TRMT9B: variants seen among roughly 807,000 people sequenced by gnomAD.
TRMT9B encodes the protein tRNA methyltransferase 9B (putative).
TRMT9B carries 16 observed loss-of-function variants against 11.5 expected under a neutral mutation model. The observed-to-expected ratio is 1.39, with a 90% confidence interval of 0.94 to 2.11. The LOEUF is 2.11. Among genes scored for constraint, TRMT9B ranks in the 30% most tolerant of loss-of-function variants. The pLI is 0.00. For missense variants in TRMT9B, 941 were observed against 553.8 expected, an observed-to-expected ratio of 1.70 and a Z score of -7.02; for synonymous variants, 274 against 192.4, an observed-to-expected ratio of 1.42 and a Z score of -3.51.
At chr8:12,966,211 T>C (rs1802802832) in intron 1 of TRMT9B, among the ~76,000 whole-genome samples, 1 of 151,942 alleles carries the variant, frequency 6.6e-6, no homozygotes, top group South Asian at 2.1e-4. Context: ...CCCATACCTC[T>C]GGTCCCAGCT....
At chr8:12,979,139 G>A (rs1048810481) in intron 1 of TRMT9B, among the ~76,000 whole-genome samples, 2 of 152,162 alleles carry the variant, frequency 1.3e-5, no homozygotes, top group Non-Finnish European at 2.9e-5. Flanking sequence ...GCGGGGGAAT[G>A]GCAGGCCTAT....
Position 13,029,573 on chromosome 8 carries a change from G to C in TRMT9B, c.*7529G>C, listed in dbSNP as rs978567407. ...TGCTTTTCTTCACCATTCTGTACAGGACAAGCATTATTCAGTTCACATAGT... is the reference window on the plus strand; with the variant it reads ...TGCTTTTCTTCACCATTCTGTACAGCACAAGCATTATTCAGTTCACATAGT... On this transcript the variant is annotated 3_prime_UTR_variant, in exon 5 of 5. Coordinates refer to ENST00000524591, the MANE Select transcript of TRMT9B (RefSeq NM_020844.3). 1 of 166,120 alleles carries C rather than the reference G, an allele frequency of 6.0e-6. No homozygotes were observed. The highest frequency in any genetic ancestry group is 1.5e-5 in the Non-Finnish European group (1 of 68,108). 10.3% of individuals were successfully genotyped at this position (166,120 alleles called of 1,614,324 possible).
intron 4 of TRMT9B, among the ~76,000 whole-genome samples, chr8:13,014,848 G>C (rs1344796395): frequency 7.9e-5 from 12 of 152,004 alleles, no homozygotes; most frequent in Admixed American, 7.9e-4. Flanking sequence ...GGATCACAAG[G>C]TCAGGAGTTC....
chr8:13,013,240 A>G (rs1563431255), intron 4 of TRMT9B, among the ~76,000 whole-genome samples: 1 of 152,238 alleles, frequency 6.6e-6, no homozygotes, highest in East Asian at 1.9e-4. Flanking sequence ...AGGCCAAAAT[A>G]GTGGCCTTTG....
chr8:12,978,795 T>A lies in TRMT9B; in HGVS notation c.-199-12039T>A, dbSNP rs921555855. ...AGATGAGCAAGCTCCTAGAACTGCA[T>A]TCAGTCGCCCAGGTTGGCACGTGGA... is the stretch of plus-strand genomic sequence containing the variant. On this transcript the variant is annotated intron_variant, in intron 1 of 4. Coordinates refer to ENST00000524591, the MANE Select transcript of TRMT9B (RefSeq NM_020844.3). 2.6e-5 allele frequency among the ~76,000 whole-genome samples: 4 copies of A among 152,184 alleles called. No individual in the cohort carries two copies. In the East Asian group the frequency reaches 7.7e-4, roughly 29 times the overall value.
intron 2 of TRMT9B, among the ~76,000 whole-genome samples, chr8:12,994,829 G>T (rs920137691): frequency 3.3e-5 from 5 of 152,110 alleles, no homozygotes; most frequent in Admixed American, 6.5e-5. Flanking sequence ...TTATAGGCAT[G>T]CACCACCATG....
rs375459091 is a variant in TRMT9B, at chr8:13,006,254, G to T, written c.52G>T (p.Glu18Ter). 6.2e-7 allele frequency: 1 copy of T among 1,613,996 alleles called. No individual in the cohort carries two copies. Among genetic ancestry groups the T allele is most frequent in the African/African-American group, 1.3e-5 (1 of 75,060 alleles). The stretch of plus-strand genomic sequence containing the variant: ...GAAGCAGCATGTGCACAATGTGTAC[G>T]AGAGCACAGCCCCTTACTTCAGCGA... ...LEKQHVHNVY[E>*]STAPYFSDLQ... The change falls in exon 3 of 5, where the codon GAG (glutamate) becomes TAG (stop). Residue 18 changes from glutamate (E) to a stop codon, truncating the protein, a stop_gained. Coordinates refer to ENST00000524591, the MANE Select transcript of TRMT9B (RefSeq NM_020844.3). LOFTEE classifies it high-confidence loss of function.
intron 1 of TRMT9B, among the ~76,000 whole-genome samples, chr8:12,953,030 GC>G (rs2128857319): frequency 6.6e-6 from 1 of 152,280 alleles, no homozygotes; most frequent in East Asian, 1.9e-4. Context: ...GAGCCACCGG[GC>G]CCGGCTGATT....
intron 1 of TRMT9B, among the ~76,000 whole-genome samples, chr8:12,982,474 C>T (rs564707180): frequency 3.3e-5 from 5 of 152,106 alleles, no homozygotes; most frequent in Non-Finnish European, 7.3e-5. Flanking sequence ...CAAGCCTGGA[C>T]AACATAGTGA....
rs543140328 is a variant in TRMT9B, at chr8:13,021,180, G to C, written c.501G>C (p.Gln167His). The C allele has an allele frequency of 3.9e-5, 63 of 1,613,838 alleles. No individual in the cohort carries two copies. The South Asian group carries it at 5.8e-4, about 15-fold the overall frequency. ...CATGGAACAGGGCTCTGTGTTCCCA[G>C]CTCTTCTCAGAGTCCAGCCAGTCTG... Reference protein sequence around the residue: ...LVPWNRALCSQLFSESSQSGR... With the variant: ...LVPWNRALCSHLFSESSQSGR... Residue 167 changes from glutamine (Q) to histidine (H), a missense_variant, in exon 5 of 5, where the codon CAG becomes CAC. Coordinates refer to ENST00000524591, the MANE Select transcript of TRMT9B (RefSeq NM_020844.3).
intron 1 of TRMT9B, among the ~76,000 whole-genome samples, chr8:12,977,485 G>C (rs1247867309): frequency 6.6e-6 from 1 of 151,864 alleles, no homozygotes; most frequent in East Asian, 2.0e-4. Flanking sequence ...GGTGGATCAC[G>C]AGGTCGAGAA....
At chr8:12,974,527 A>G (rs552964956) in intron 1 of TRMT9B, among the ~76,000 whole-genome samples, 93 of 152,308 alleles carry the variant, frequency 6.1e-4, no homozygotes, top group South Asian at 1.2e-3. Context: ...CCCCAACAGA[A>G]TAAGTTTCCA....
intron 1 of TRMT9B, chr8:12,952,180 C>A (rs1021159526): frequency 3.1e-5 from 14 of 455,004 alleles, no homozygotes; most frequent in African/African-American, 2.2e-4. Flanking sequence ...CTGCCAGTCG[C>A]CACACCGTGC....
chr8:12,993,065 G>C (rs996467785), intron 2 of TRMT9B, among the ~76,000 whole-genome samples: 2 of 152,178 alleles, frequency 1.3e-5, no homozygotes, highest in Non-Finnish European at 2.9e-5. Context: ...ATAAGGTCCT[G>C]AGCAAGTCCC....
At chr8:12,999,580 C>T (rs578096540) in intron 2 of TRMT9B, among the ~76,000 whole-genome samples, 1 of 152,200 alleles carries the variant, frequency 6.6e-6, no homozygotes, top group Admixed American at 6.5e-5. Flanking sequence ...GCTAGAGTTC[C>T]ATCATTCATG....
At chr8:12,985,204 G>A (rs906288473) in intron 1 of TRMT9B, among the ~76,000 whole-genome samples, 11 of 152,066 alleles carry the variant, frequency 7.2e-5, no homozygotes, top group Non-Finnish European at 1.5e-4. Flanking sequence ...GTTTATCGGG[G>A]GTAACTTTCT....
In TRMT9B at chr8:13,021,399, C is replaced by T. The variant is rs1207113349; in HGVS notation, c.720C>T (p.Tyr240=). 2 of 1,613,912 alleles carry T rather than the reference C, an allele frequency of 1.2e-6. No homozygotes were observed. Among genetic ancestry groups the T allele is most frequent in the East Asian group, 2.2e-5 (1 of 44,896 alleles). The part of the protein sequence containing the change: ...SKEGEEEYGF[Y]STLGKSFRSW... ...AAGGCGAGGAAGAATATGGATTTTA[C>T]AGCACATTAGGAAAATCGTTTCGTT... is the stretch of plus-strand genomic sequence containing the variant. The change falls in exon 5 of 5, where the codon TAC becomes TAT. Residue 240 remains tyrosine (Y), a synonymous_variant. Transcript: ENST00000524591.
intron 2 of TRMT9B, among the ~76,000 whole-genome samples, chr8:12,994,305 G>A (rs1220621882): frequency 6.6e-6 from 1 of 152,092 alleles, no homozygotes; most frequent in African/African-American, 2.4e-5. Context: ...TACCTCTGAT[G>A]GACCCTCTGC....
chr8:13,021,175 T>C lies in TRMT9B; in HGVS notation c.496T>C (p.Ser166Pro), dbSNP rs1341745907. Residue 166 changes from serine to proline, a missense_variant, in exon 5 of 5, where the codon TCC becomes CCC. Physicochemically the swap from Ser to Pro is moderately conservative, Grantham distance 74. Coordinates refer to ENST00000524591, the MANE Select transcript of TRMT9B (RefSeq NM_020844.3). ...TGTTCCATGGAACAGGGCTCTGTGTTCCCAGCTCTTCTCAGAGTCCAGCCA... is the reference window on the plus strand; with the variant it reads ...TGTTCCATGGAACAGGGCTCTGTGTCCCCAGCTCTTCTCAGAGTCCAGCCA... ...VLVPWNRALC[S>P]QLFSESSQSG... 1.9e-6 allele frequency: 3 copies of C among 1,613,742 alleles called. No homozygotes were observed. Among genetic ancestry groups the C allele is most frequent in the African/African-American group, 2.7e-5 (2 of 74,934 alleles).
Sources: gnomAD v4.1 joint callset for allele counts (sites outside exome capture counted in the v4.1 genomes callset) on GRCh38, gnomAD v4.1.1 for gene constraint, MANE v1.5 for transcripts, NCBI Gene and HGNC (gene_info 2026-07-23, HGNC 2026-07-21) for gene names.